USH1C: variants seen among roughly 807,000 people sequenced by gnomAD.
USH1C encodes the protein harmonin.
Under a neutral mutation model 119.3 loss-of-function variants are expected in USH1C, and 90 were observed. That is an observed-to-expected ratio of 0.75 (90% CI 0.64 to 0.90). The LOEUF (loss-of-function observed/expected upper bound fraction) is 0.90, where lower values mean the gene tolerates loss of function less well. Ranked by LOEUF, USH1C falls within the 40% of genes least tolerant of loss-of-function variation. The pLI is 0.00. For synonymous variants in USH1C, 465 were observed against 443.3 expected, an observed-to-expected ratio of 1.05 and a Z score of -0.62; for missense variants, 1,165 against 1,167.7, an observed-to-expected ratio of 1.00 and a Z score of 0.03.
At chr11:17,507,589 T>C (rs1352129406) in intron 18 of USH1C, among the ~76,000 whole-genome samples, 1 of 152,234 alleles carries the variant, frequency 6.6e-6, no homozygotes, top group Non-Finnish European at 1.5e-5. Flanking sequence ...ACTCTTGCCA[T>C]TCTTAACTTA....
chr11:17,499,516 G>A (rs1223133653), intron 23 of USH1C, among the ~76,000 whole-genome samples: 1 of 152,220 alleles, frequency 6.6e-6, no homozygotes, highest in African/African-American at 2.4e-5. Context: ...GAAGGACCCA[G>A]GAGAGTCACC....
rs769953334 is a variant in USH1C at position 17,526,828 on chromosome 11, T to C, written c.522-18A>G. ...CAGGAGAGCTGATGGGAAGGGAAAA[T>C]AGATGGGAGGGTGGTTAGCGAGAGA... is the stretch of plus-strand genomic sequence containing the variant. On this transcript the variant is annotated intron_variant, in intron 6 of 26. Transcript: ENST00000005226. 8.1e-6 allele frequency: 13 copies of C among 1,611,654 alleles called. No individual in the cohort carries two copies. In the African/African-American group the frequency reaches 9.4e-5, roughly 12 times the overall value.
intron 18 of USH1C, among the ~76,000 whole-genome samples, chr11:17,506,828 G>A (rs536037790): frequency 5.9e-5 from 9 of 152,238 alleles, no homozygotes; most frequent in East Asian, 3.9e-4. Flanking sequence ...ATGGTGTGGC[G>A]GGTGCCTACT....
At position 17,498,186 on chromosome 11, in the gene USH1C, C is replaced by A. The variant is rs374464706; in HGVS notation, c.2466G>T (p.Leu822=). 6.2e-7 allele frequency: 1 copy of A among 1,614,168 alleles called. No homozygotes were observed. The highest frequency in any genetic ancestry group is 8.5e-7 in the Non-Finnish European group (1 of 1,180,016). ...CCCCGCCCTGATTCCAGGCCTTCTGCAGGGCAGCCTCAGCCTCAGCCAGGG... is the reference window on the plus strand; with the variant it reads ...CCCCGCCCTGATTCCAGGCCTTCTGAAGGGCAGCCTCAGCCTCAGCCAGGG... ...DYTLAEAEAA[L]QKAWNQGGDW... The change falls in exon 24 of 27, where the codon CTG becomes CTT. Residue 822 remains leucine, a synonymous_variant. Coordinates refer to ENST00000005226, the MANE Select transcript of USH1C (RefSeq NM_153676.4).
chr11:17,494,146 G>T lies in USH1C; in HGVS notation c.*186C>A. ...TGGCTGGCTGCTCCCTTTCCTCCAC[G>T]TTGGCCTTCAGAAGAGTGGCCCGAG... On this transcript the variant is annotated 3_prime_UTR_variant, in exon 27 of 27. Coordinates refer to ENST00000005226, the MANE Select transcript of USH1C (RefSeq NM_153676.4). The T allele has an allele frequency of 1.5e-6, 1 of 683,752 alleles. No homozygotes were observed. Among genetic ancestry groups the T allele is most frequent in the Non-Finnish European group, 2.6e-6 (1 of 387,488 alleles). 42.4% of individuals were successfully genotyped at this position (683,752 alleles called of 1,614,324 possible).
chr11:17,516,845 C>T (rs1295125115), intron 14 of USH1C, among the ~76,000 whole-genome samples: 1 of 152,226 alleles, frequency 6.6e-6, no homozygotes, highest in Admixed American at 6.5e-5. Flanking sequence ...GGAAGGACAG[C>T]TCCAGCAGGA....
At position 17,494,102 on chromosome 11, in the gene USH1C, C is replaced by T; in HGVS notation, c.*230G>A. 1 of 585,220 alleles carries T rather than the reference C, an allele frequency of 1.7e-6. No homozygotes were observed. The highest frequency in any genetic ancestry group is 3.1e-6 in the Non-Finnish European group (1 of 325,156). 36.3% of individuals were successfully genotyped at this position (585,220 alleles called of 1,614,324 possible). ...GAGGAAAGGAATGAGAGTCTGGATC[C>T]TTGAGATCTTCTCCCAAATGGCTGG... is the stretch of plus-strand genomic sequence containing the variant. On this transcript the variant is annotated 3_prime_UTR_variant, in exon 27 of 27. Coordinates refer to ENST00000005226, the MANE Select transcript of USH1C (RefSeq NM_153676.4).
chr11:17,502,061 C>A (rs564989612), intron 20 of USH1C, 81 bp from the exon 21 acceptor site: 4 of 1,475,438 alleles, frequency 2.7e-6, no homozygotes, highest in South Asian at 2.4e-5. Context: ...GATGAATGGT[C>A]GGAATCCAAG....
At chr11:17,542,792 T>C (rs544252254) in intron 1 of USH1C, among the ~76,000 whole-genome samples, 2 of 152,330 alleles carry the variant, frequency 1.3e-5, no homozygotes, top group South Asian at 4.1e-4. Context: ...ACTCACAAAA[T>C]GTCCTTAGTG....
At chr11:17,511,198 G>A (rs994019567) in intron 16 of USH1C, among the ~76,000 whole-genome samples, 1 of 152,178 alleles carries the variant, frequency 6.6e-6, no homozygotes, top group Non-Finnish European at 1.5e-5. Context: ...GGTTGATGAG[G>A]TCTAGCCTTA....
chr11:17,521,047 T>C, intron 13 of USH1C, 53 bp from the exon 14 acceptor site: 1 of 1,610,816 alleles, frequency 6.2e-7, no homozygotes, highest in Non-Finnish European at 8.5e-7. Flanking sequence ...CATAGGCCCA[T>C]CTCCTGCATA....
Position 17,533,269 on chromosome 11 carries a change from C to T in USH1C, c.90G>A (p.Leu30=), listed in dbSNP as rs1310471360. Residue 30 remains leucine, a synonymous_variant, in exon 2 of 27, where the codon CTG becomes CTA. Transcript: ENST00000005226. ...AGCACACTTACTGGTGGTACATTCG[C>T]AGCACATCATAGAGATAGTCCTTCT... ...DAEKDYLYDV[L]RMYHQTMDVA... 1.9e-6 allele frequency: 3 copies of T among 1,613,838 alleles called. No homozygotes were observed. The highest frequency in any genetic ancestry group is 1.3e-5 in the African/African-American group (1 of 74,918).
At chr11:17,542,471 C>T (rs1177333202) in intron 1 of USH1C, among the ~76,000 whole-genome samples, 2 of 152,224 alleles carry the variant, frequency 1.3e-5, no homozygotes, top group African/African-American at 2.4e-5. Flanking sequence ...GCCCTGCCTG[C>T]ACACAGGGAT....
intron 18 of USH1C, among the ~76,000 whole-genome samples, chr11:17,507,630 C>A (rs539021208): frequency 6.6e-6 from 1 of 152,322 alleles, no homozygotes; most frequent in African/African-American, 2.4e-5. Flanking sequence ...TTATTTGATT[C>A]GAATAGGTAG....
chr11:17,529,868 A>G (rs890213466), intron 4 of USH1C, among the ~76,000 whole-genome samples: 10 of 152,210 alleles, frequency 6.6e-5, no homozygotes, highest in African/African-American at 2.2e-4. Flanking sequence ...CAACGCCCCC[A>G]GTCATCGAGG....
At position 17,523,513 on chromosome 11, in the gene USH1C, C is replaced by A. The variant is rs201903536; in HGVS notation, c.760-35G>T. On this transcript the variant is annotated intron_variant, in intron 9 of 26. Transcript: ENST00000005226. ...AAATGGAGAAAGATTAGTGTGTTTG[C>A]GCTATCTGTACACTCGCTCATCTGC... 11 of 1,609,308 alleles carry A rather than the reference C, an allele frequency of 6.8e-6. 1 individual carries two copies. Among genetic ancestry groups the A allele is most frequent in the South Asian group, 1.1e-5 (1 of 90,742 alleles).
chr11:17,526,460 C>T lies in USH1C; in HGVS notation c.580-19G>A, dbSNP rs1425192804. The T allele has an allele frequency of 1.2e-6, 2 of 1,610,202 alleles. No individual in the cohort carries two copies. Among genetic ancestry groups the T allele is most frequent in the Non-Finnish European group, 1.7e-6 (2 of 1,177,102 alleles). The stretch of plus-strand genomic sequence containing the variant: ...GCACGCCCTGAAAGAGAGATAGAAG[C>T]AGAATCACGGAGTGTCCACATGCGT... On this transcript the variant is annotated intron_variant, in intron 7 of 26. Transcript: ENST00000005226.
In USH1C at chr11:17,522,859, T is replaced by C. The variant is rs1410579937; in HGVS notation, c.944A>G (p.Gln315Arg). ...CAGCCGCTTCTGCATGAGAAGCTCC[T>C]GCCGCTGCAGCTCACGCTGCCGCGC... ...AEARQRELQR[Q>R]ELLMQKRLAM... is the part of the protein sequence containing the mutation. The change falls in exon 12 of 27, where the codon CAG (glutamine) becomes CGG (arginine). Residue 315 changes from glutamine to arginine, a missense_variant. Physicochemically the swap from Gln to Arg is conservative, Grantham distance 43. Coordinates refer to ENST00000005226, the MANE Select transcript of USH1C (RefSeq NM_153676.4). The C allele has an allele frequency of 5.6e-6, 9 of 1,613,052 alleles. No individual in the cohort carries two copies. The highest frequency in any genetic ancestry group is 5.9e-6 in the Non-Finnish European group (7 of 1,179,722).
In USH1C at chr11:17,531,532, C is replaced by T. The variant is rs781491502; in HGVS notation, c.115G>A (p.Val39Met). 12 of 1,613,200 alleles carry T rather than the reference C, an allele frequency of 7.4e-6. No homozygotes were observed. Among genetic ancestry groups the T allele is most frequent in the South Asian group, 4.4e-5 (4 of 91,034 alleles). ...TTCAGGTCTCCCACGAGCACGGCCA[C>T]GTCCATGGTCCTGTGGAGATGCCGG... Reference protein sequence around the residue: ...VLRMYHQTMDVAVLVGDLKLV... With the variant: ...VLRMYHQTMDMAVLVGDLKLV... Residue 39 changes from valine (V) to methionine (M), a missense_variant, in exon 3 of 27, where the codon GTG (valine) becomes ATG (methionine). Coordinates refer to ENST00000005226, the MANE Select transcript of USH1C (RefSeq NM_153676.4). This position sits in a 1 kb window ranked among gnomAD's most constrained non-coding sequence, Gnocchi z 4.2.
Sources: gnomAD v4.1 joint callset for allele counts (sites outside exome capture counted in the v4.1 genomes callset) on GRCh38, gnomAD v4.1.1 for gene constraint, Gnocchi (gnomAD v3.1) non-coding constraint, MANE v1.5 for transcripts, NCBI Gene and HGNC (gene_info 2026-07-23, HGNC 2026-07-21) for gene names.